The following PLEKHG6 variants were observed in gnomAD, a reference collection of about 807,000 sequenced individuals.
The protein encoded by PLEKHG6 is pleckstrin homology domain-containing family G member 6.
In PLEKHG6, 91 loss-of-function variants were observed where a neutral mutation model predicts 97.5. The observed-to-expected ratio is 0.93, with a 90% CI of 0.79 to 1.11. The LOEUF (loss-of-function observed/expected upper bound fraction) is 1.11, where lower values mean the gene tolerates loss of function less well. Among genes scored for constraint, PLEKHG6 ranks in the 50% most tolerant of loss-of-function variants. The pLI is 0.00. For missense variants in PLEKHG6, 1,044 were observed against 1,031.0 expected, an observed-to-expected ratio of 1.01 and a Z score of -0.17; for synonymous variants, 466 against 425.5, an observed-to-expected ratio of 1.10 and a Z score of -1.17.
At chr12:6,319,412 C>T (rs1407768103) in intron 13 of PLEKHG6, 1 of 925,600 alleles carries the variant, frequency 1.1e-6, no homozygotes, top group Admixed American at 2.9e-5. Context: ...CGTGCCACTG[C>T]ACTCTAGCCT....
chr12:6,324,671 T>C (rs1947810570), intron 13 of PLEKHG6, among the ~76,000 whole-genome samples: 1 of 152,160 alleles, frequency 6.6e-6, no homozygotes, highest in Non-Finnish European at 1.5e-5. Context: ...GAGAATGCTG[T>C]CAGCCTTGGG....
chr12:6,310,880 G>A (rs1947234678), intron 1 of PLEKHG6, 32 bp downstream of exon 1: 1 of 152,810 alleles, frequency 6.5e-6, no homozygotes, highest in African/African-American at 2.4e-5. Flanking sequence ...CGGCCCGGGG[G>A]CGGGGCGGCC....
rs754076981 is a variant in PLEKHG6 at position 6,317,287 on chromosome 12, G to A, written c.757-16G>A. On this transcript the variant is annotated splice_polypyrimidine_tract_variant and intron_variant, in intron 7 of 15. Coordinates refer to ENST00000684764, the MANE Select transcript of PLEKHG6 (RefSeq NM_001384598.1). ...TCCCCATGCCTGCTCCCCACCTCCC[G>A]TATCTGTCTCTCCAGTTTGGCCAGC... 2.3e-4 allele frequency: 365 copies of A among 1,554,666 alleles called. No homozygotes were observed. Among genetic ancestry groups the A allele is most frequent in the Admixed American group, 5.5e-4 (33 of 59,908 alleles).
In PLEKHG6 at chr12:6,328,150, T is replaced by C. The variant is rs368209055; in HGVS notation, c.*5T>C. On this transcript the variant is annotated 3_prime_UTR_variant, in exon 16 of 16. Transcript: ENST00000684764. The stretch of plus-strand genomic sequence containing the variant: ...TGTCTTTTCAGAGAGGTATGAGGAA[T>C]GCAGAGGACCTTTGGCATGCATCTC... The C allele has an allele frequency of 2.7e-5, 43 of 1,613,852 alleles. No individual in the cohort carries two copies. The highest frequency in any genetic ancestry group is 5.0e-5 in the Admixed American group (3 of 60,000).
In PLEKHG6 at chr12:6,327,360, T is replaced by G. The variant is rs1469401237; in HGVS notation, c.1777T>G (p.Leu593Val). ...TACCTCAGACTCTGGCTACGGCACT[T>G]TGATCCCAGGCACCCCCACGGGGTC... ...DDTSDSGYGT[L>V]IPGTPTGSRS... is the part of the protein sequence containing the mutation. Residue 593 changes from leucine (L) to valine (V), a missense_variant, in exon 15 of 16, where the codon TTG (leucine) becomes GTG (valine). Physicochemically the swap from Leu to Val is conservative, Grantham distance 32. Transcript: ENST00000684764. 6.2e-7 allele frequency: 1 copy of G among 1,614,166 alleles called. No homozygotes were observed. Among genetic ancestry groups the G allele is most frequent in the Non-Finnish European group, 8.5e-7 (1 of 1,180,012 alleles).
chr12:6,321,786 C>T (rs1278886336), intron 13 of PLEKHG6, among the ~76,000 whole-genome samples: 2 of 141,924 alleles, frequency 1.4e-5, no homozygotes, highest in African/African-American at 2.6e-5. Flanking sequence ...GAGATCGCGC[C>T]ACTGCACTCC....
At position 6,318,844 on chromosome 12, in the gene PLEKHG6, G is replaced by C. The variant is rs768468004; in HGVS notation, c.1375G>C (p.Glu459Gln). The C allele has an allele frequency of 3.1e-6, 5 of 1,614,118 alleles. No individual in the cohort carries two copies. The highest frequency in any genetic ancestry group is 4.2e-6 in the Non-Finnish European group (5 of 1,180,056). ...AKVIRPPLMLEKLVCQPLRDP... is the reference protein window; with the variant it reads ...AKVIRPPLMLQKLVCQPLRDP... ...GGTCATCCGACCCCCTCTCATGCTG[G>C]AGAAGCTCGTGTGCCAACCCCTGCG... The change falls in exon 12 of 16, where the codon GAG becomes CAG. Residue 459 changes from glutamate to glutamine, a missense_variant. Transcript: ENST00000684764.
chr12:6,313,734 AG>A lies in PLEKHG6; in HGVS notation c.246del (p.Arg82SerfsTer27). The A allele has an allele frequency of 2.5e-6, 4 of 1,610,668 alleles. No individual in the cohort carries two copies. The highest frequency in any genetic ancestry group is 3.4e-6 in the Non-Finnish European group (4 of 1,178,512). ...MRLRDPEPEK[R>X]HGGHVGAGLL... The stretch of plus-strand genomic sequence containing the variant: ...ACTGCGAGATCCAGAGCCCGAGAAG[AG>A]GCACGGGGGCCATGTGGGGGCTGGC... On this transcript the variant is annotated frameshift_variant, in exon 3 of 16. Transcript: ENST00000684764. LOFTEE classifies it high-confidence loss of function.
intron 13 of PLEKHG6, chr12:6,319,450 A>G: frequency 7.9e-7 from 1 of 1,262,010 alleles, no homozygotes; most frequent in Non-Finnish European, 1.1e-6. Context: ...CCTGAAGAAG[A>G]AGGAAAAAAA....
At chr12:6,325,315 G>A (rs770295667) in intron 13 of PLEKHG6, among the ~76,000 whole-genome samples, 1 of 152,138 alleles carries the variant, frequency 6.6e-6, no homozygotes, top group Non-Finnish European at 1.5e-5. Context: ...CATACCTGTG[G>A]CACCTTGAGC....
Position 6,327,236 on chromosome 12 carries a change from C to A in PLEKHG6, c.1671-18C>A. On this transcript the variant is annotated intron_variant, in intron 14 of 15. Coordinates refer to ENST00000684764, the MANE Select transcript of PLEKHG6 (RefSeq NM_001384598.1). Reference sequence around the variant, plus strand: ...GAACTTGACCCCTACGCATCTGACTCTTTGCCATTAACTGTAGGACTCCTG... The same window carrying A: ...GAACTTGACCCCTACGCATCTGACTATTTGCCATTAACTGTAGGACTCCTG... 2 of 1,516,194 alleles carry A rather than the reference C, an allele frequency of 1.3e-6. No homozygotes were observed. The highest frequency in any genetic ancestry group is 1.8e-6 in the Non-Finnish European group (2 of 1,112,996). 93.9% of individuals were successfully genotyped at this position (1,516,194 alleles called of 1,614,324 possible).
chr12:6,313,245 G>T, intron 2 of PLEKHG6: 1 of 1,474,288 alleles, frequency 6.8e-7, no homozygotes, highest in South Asian at 1.2e-5. Flanking sequence ...AGAGTTACGA[G>T]AGACCAGAAT....
chr12:6,313,925 C>A, intron 3 of PLEKHG6, 141 bp downstream of exon 3: 1 of 694,256 alleles, frequency 1.4e-6, no homozygotes, highest in Non-Finnish European at 2.3e-6. Flanking sequence ...CTGCCTAGGA[C>A]CTCTCAGGGA....
intron 9 of PLEKHG6, 47 bp downstream of exon 9, chr12:6,317,743 A>G: frequency 6.2e-7 from 1 of 1,603,076 alleles, no homozygotes; most frequent in Non-Finnish European, 8.5e-7. Context: ...GGGGACTGGG[A>G]GGGGGGTCTC....
intron 13 of PLEKHG6, among the ~76,000 whole-genome samples, chr12:6,321,914 G>C (rs1053260890): frequency 6.6e-6 from 1 of 151,544 alleles, no homozygotes; most frequent in African/African-American, 2.4e-5. Context: ...AAAAATCCAG[G>C]TTCAGACACC....
chr12:6,324,026 T>C (rs74059206), intron 13 of PLEKHG6, among the ~76,000 whole-genome samples: 3,205 of 152,220 alleles, frequency 0.021, 107 homozygotes, highest in African/African-American at 0.068. Context: ...TTCCTCTCCA[T>C]GGGTACAAAG....
intron 13 of PLEKHG6, chr12:6,319,790 G>T: frequency 1.0e-6 from 1 of 968,872 alleles, no homozygotes; most frequent in Non-Finnish European, 1.5e-6. Context: ...TCAGAAAAGA[G>T]TAAACCACCA....
At chr12:6,318,196 G>T in intron 10 of PLEKHG6, 105 bp from the exon 11 acceptor site, 1 of 1,556,542 alleles carries the variant, frequency 6.4e-7, no homozygotes, top group South Asian at 1.1e-5. Context: ...CATGGGGGAA[G>T]GATACAAACA....
At chr12:6,313,487 C>T (rs1947344045) in intron 2 of PLEKHG6, 142 bp from the exon 3 acceptor site, 3 of 996,690 alleles carry the variant, frequency 3.0e-6, no homozygotes, top group South Asian at 3.1e-5. Flanking sequence ...CCACACCAAA[C>T]TGGTTTGCAG....
Sources: allele counts gnomAD v4.1 joint callset (sites outside exome capture counted in the v4.1 genomes callset), GRCh38; gene constraint gnomAD v4.1.1; transcripts MANE v1.5; gene names NCBI Gene and HGNC (gene_info 2026-07-23, HGNC 2026-07-21).